CDHR3: variants seen among roughly 807,000 people sequenced by gnomAD.
CDHR3 encodes cadherin related family member 3.
In CDHR3, 79 loss-of-function variants were observed where a neutral mutation model predicts 86.6. The ratio of observed to expected loss-of-function variants is 0.91; its 90% confidence interval spans 0.76 to 1.10. The LOEUF is 1.10. CDHR3 is among the 50% of genes least tolerant of loss of function. CDHR3 has a pLI of 0.00. For missense variants in CDHR3, 1,081 were observed against 1,077.6 expected (o/e 1.00, Z -0.04); for synonymous variants, 421 against 402.4 (o/e 1.05, Z -0.55).
intron 7 of CDHR3, among the ~76,000 whole-genome samples, chr7:106,003,346 C>T (rs1833484713): frequency 6.6e-6 from 1 of 152,070 alleles, no homozygotes; most frequent in Non-Finnish European, 1.5e-5. Flanking sequence ...AGTTATTTTT[C>T]CATCTGAATA....
intron 17 of CDHR3, among the ~76,000 whole-genome samples, chr7:106,029,095 T>C (rs1162003489): frequency 6.6e-6 from 1 of 151,916 alleles, no homozygotes; most frequent in African/African-American, 2.4e-5. Flanking sequence ...TTCTCATGCC[T>C]CGGCCTCCCA....
chr7:106,022,303 G>A lies in CDHR3; in HGVS notation c.1931G>A (p.Trp644Ter), dbSNP rs1836688564. The A allele has an allele frequency of 2.5e-6, 4 of 1,613,988 alleles. No individual in the cohort carries two copies. Among genetic ancestry groups the A allele is most frequent in the Non-Finnish European group, 3.4e-6 (4 of 1,179,890 alleles). ...TATGCTGGTGGGTTTGATAAGATCT[G>A]GGACTACAAGCTACTTGTCTACGTA... is the stretch of plus-strand genomic sequence containing the variant. ...FDYAGGFDKIWDYKLLVYVTD... is the reference protein window; with the variant it reads ...FDYAGGFDKI Residue 644 changes from tryptophan (W) to a stop codon, truncating the protein, a stop_gained, in exon 14 of 19, where the codon TGG (tryptophan) becomes TAG (stop). Coordinates refer to ENST00000317716, the MANE Select transcript of CDHR3 (RefSeq NM_152750.5). LOFTEE classifies it high-confidence loss of function.
In CDHR3 at chr7:105,974,934, T is replaced by C. The variant is rs1412965388; in HGVS notation, c.137T>C (p.Val46Ala). ...GGGACTTCAGTGCACAAGTTTTCTG[T>C]GAAGTTATCAGCATCATTGTCACCT... ...PPGTSVHKFS[V>A]KLSASLSPVI... Residue 46 changes from valine (V) to alanine (A), a missense_variant, in exon 2 of 19, where the codon GTG becomes GCG. Val to Ala is a moderately conservative substitution (Grantham distance 64). Coordinates refer to ENST00000317716, the MANE Select transcript of CDHR3 (RefSeq NM_152750.5). The C allele has an allele frequency of 6.2e-7, 1 of 1,613,730 alleles. No homozygotes were observed. Among genetic ancestry groups the C allele is most frequent in the African/African-American group, 1.3e-5 (1 of 74,900 alleles).
chr7:105,979,737 C>A (rs570229029), intron 2 of CDHR3, among the ~76,000 whole-genome samples: 1 of 152,290 alleles, frequency 6.6e-6, no homozygotes, highest in Admixed American at 6.5e-5. Flanking sequence ...TCTGTCTTCA[C>A]AGCAAGATGC....
chr7:106,007,177 G>A (rs1834055231), intron 8 of CDHR3, among the ~76,000 whole-genome samples: 1 of 152,194 alleles, frequency 6.6e-6, no homozygotes, highest in African/African-American at 2.4e-5. Flanking sequence ...ACAAGAGAGG[G>A]ACCCAGGGCC....
chr7:106,008,866 A>C (rs1420190626), intron 8 of CDHR3, among the ~76,000 whole-genome samples: 1 of 152,092 alleles, frequency 6.6e-6, no homozygotes, highest in African/African-American at 2.4e-5. Flanking sequence ...GTAGGGGGTG[A>C]AGGTTAAGAA....
chr7:105,966,080 A>G (rs936524560), intron 1 of CDHR3, among the ~76,000 whole-genome samples: 4 of 152,200 alleles, frequency 2.6e-5, no homozygotes. Flanking sequence ...ACAAGAATAT[A>G]AACTAGACAA....
intron 4 of CDHR3, among the ~76,000 whole-genome samples, chr7:105,987,969 C>A (rs915595414): frequency 5.9e-5 from 9 of 152,246 alleles, no homozygotes; most frequent in Admixed American, 5.9e-4. Flanking sequence ...CAGCTCACTG[C>A]AGCCTCAACT....
intron 10 of CDHR3, 86 bp downstream of exon 10, chr7:106,015,299 A>AG: frequency 8.4e-7 from 1 of 1,193,160 alleles, no homozygotes; most frequent in Non-Finnish European, 1.2e-6. Context: ...GTATTGTGCT[A>AG]GGTCCCCCTT....
intron 15 of CDHR3, among the ~76,000 whole-genome samples, chr7:106,024,890 G>A (rs1837123212): frequency 2.6e-5 from 4 of 152,202 alleles, no homozygotes; most frequent in Admixed American, 2.6e-4. Flanking sequence ...GTTGTAAATA[G>A]CGATAGAATA....
intron 8 of CDHR3, among the ~76,000 whole-genome samples, chr7:106,011,593 T>G (rs901940160): frequency 2.6e-5 from 4 of 152,052 alleles, no homozygotes; most frequent in African/African-American, 9.7e-5. Flanking sequence ...TATAGTACTG[T>G]GAGAAACCAT....
intron 17 of CDHR3, among the ~76,000 whole-genome samples, chr7:106,029,999 C>G (rs1184479227): frequency 1.3e-5 from 2 of 152,226 alleles, no homozygotes; most frequent in South Asian, 2.1e-4. Flanking sequence ...CATTTCCTCT[C>G]TCTTCAGAGT....
chr7:105,991,875 C>T (rs1288373069), intron 4 of CDHR3, among the ~76,000 whole-genome samples: 1 of 152,176 alleles, frequency 6.6e-6, no homozygotes, highest in Non-Finnish European at 1.5e-5. Context: ...AGGCATTGTT[C>T]TAGCACTTTA....
chr7:106,028,696 T>A, intron 17 of CDHR3, 114 bp downstream of exon 17: 2 of 1,120,450 alleles, frequency 1.8e-6, no homozygotes, highest in East Asian at 5.0e-5. Context: ...TTCAGGGAGG[T>A]GCTTGTGTTT....
At chr7:106,025,713 AG>A (rs1200833175) in intron 15 of CDHR3, among the ~76,000 whole-genome samples, 1 of 152,258 alleles carries the variant, frequency 6.6e-6, no homozygotes, top group Non-Finnish European at 1.5e-5. Context: ...ACTGTATAAA[AG>A]TACAAGGCAT....
chr7:105,984,895 C>CA (rs2115698406), intron 4 of CDHR3, among the ~76,000 whole-genome samples: 1 of 151,924 alleles, frequency 6.6e-6, no homozygotes, highest in African/African-American at 2.4e-5. Context: ...CTCGTCTCTA[C>CA]AAAAAATAAA....
In CDHR3 at chr7:106,033,299, T is replaced by A. The variant is rs927768044; in HGVS notation, c.*602T>A. The A allele has an allele frequency of 6.5e-6, 1 of 152,888 alleles. No homozygotes were observed. The highest frequency in any genetic ancestry group is 1.5e-5 in the Non-Finnish European group (1 of 68,524). 9.5% of individuals were successfully genotyped at this position (152,888 alleles called of 1,614,324 possible). A position where few individuals can be genotyped will look rare whatever the true frequency, so the allele number is the denominator to read the frequency against. On this transcript the variant is annotated 3_prime_UTR_variant, in exon 19 of 19. Coordinates refer to ENST00000317716, the MANE Select transcript of CDHR3 (RefSeq NM_152750.5). ...GTGGTGTCCGGATCAGCATCCTGCA[T>A]GTGAGATTCATCCACGTTGTCCTGT...
chr7:105,989,436 C>T (rs951645431), intron 4 of CDHR3, among the ~76,000 whole-genome samples: 1 of 151,886 alleles, frequency 6.6e-6, no homozygotes, highest in Non-Finnish European at 1.5e-5. Context: ...TTTGGCCTTT[C>T]CATTGAGGAA....
At position 106,024,466 on chromosome 7, in the gene CDHR3, T is replaced by C. The variant is rs1269181887; in HGVS notation, c.2162T>C (p.Ile721Thr). The change falls in exon 15 of 19, where the codon ATA (isoleucine) becomes ACA (threonine). Residue 721 changes from isoleucine to threonine, a missense_variant. Coordinates refer to ENST00000317716, the MANE Select transcript of CDHR3 (RefSeq NM_152750.5). ...CCGTTTGTCATCACTTTGGGCTCCA[T>C]ATTGCTTCTGGGTCTCCTCGTGTAC... The part of the protein sequence containing the change: ...YVPFVITLGS[I>T]LLLGLLVYLV... 1.2e-6 allele frequency: 2 copies of C among 1,613,910 alleles called. No individual in the cohort carries two copies. The highest frequency in any genetic ancestry group is 2.7e-5 in the African/African-American group (2 of 74,936).
Sources: allele counts gnomAD v4.1 joint callset (sites outside exome capture counted in the v4.1 genomes callset), GRCh38; gene constraint gnomAD v4.1.1; transcripts MANE v1.5; gene names NCBI Gene and HGNC (gene_info 2026-07-23, HGNC 2026-07-21).